Variants in ACACA observed in about 807,000 individuals in gnomAD.
ACACA encodes the protein acetyl-CoA carboxylase 1.
A neutral mutation model predicts 296.1 loss-of-function variants in ACACA; 103 were observed. The ratio of observed to expected loss-of-function variants is 0.35; its 90% CI spans 0.30 to 0.41. ACACA has a LOEUF of 0.41. Among genes scored for constraint, ACACA ranks in the 10% least tolerant of loss-of-function variants. The pLI, the probability that ACACA is intolerant of heterozygous loss-of-function variation, is 1.00. For synonymous variants in ACACA, 953 were observed against 1,038.6 expected (o/e 0.92, Z 1.58); for missense variants, 1,554 against 2,989.7 (o/e 0.52, Z 11.20).
At chr17:37,369,653 A>G (rs1194894272) in intron 1 of ACACA, among the ~76,000 whole-genome samples, 1 of 151,950 alleles carries the variant, frequency 6.6e-6, no homozygotes, top group East Asian at 1.9e-4. Context: ...TCTAGAAAAA[A>G]AAAAATAGGC....
At chr17:37,229,388 C>T (rs947273816) in intron 25 of ACACA, among the ~76,000 whole-genome samples, 14 of 151,898 alleles carry the variant, frequency 9.2e-5, no homozygotes, top group African/African-American at 2.9e-4. Context: ...ACTGCAAGCT[C>T]CGCCTCCGGG....
chr17:37,177,386 C>T (rs1471615290), intron 41 of ACACA, among the ~76,000 whole-genome samples: 1 of 151,920 alleles, frequency 6.6e-6, no homozygotes, highest in Admixed American at 6.6e-5. Flanking sequence ...GCCCAGGCAG[C>T]TCTGTGCTTG....
At chr17:37,109,833 A>T (rs1365898039) in intron 52 of ACACA, among the ~76,000 whole-genome samples, 1 of 152,194 alleles carries the variant, frequency 6.6e-6, no homozygotes, top group Non-Finnish European at 1.5e-5. Flanking sequence ...AGTTACTCTG[A>T]AGGGATGATA....
intron 45 of ACACA, among the ~76,000 whole-genome samples, chr17:37,138,515 T>C (rs959595642): frequency 6.6e-6 from 1 of 152,242 alleles, no homozygotes; most frequent in Admixed American, 6.5e-5. Context: ...TTATTAAACT[T>C]GGAGCTATGC....
chr17:37,267,629 T>C (rs1282327082), intron 10 of ACACA, among the ~76,000 whole-genome samples: 4 of 150,630 alleles, frequency 2.7e-5, no homozygotes, highest in East Asian at 2.0e-4. Flanking sequence ...GGCATGACCA[T>C]AGCTCAAGGC....
rs1408146139 is a variant in ACACA at position 37,182,857 on chromosome 17, T to TA, written c.4777-1502_4777-1501insT. On this transcript the variant is annotated intron_variant, in intron 39 of 55. Transcript: ENST00000616317. ...TAGCCCCTTAGCTCAGAGGAATGAA[T>TA]GTTCTGCTAATTTGTCAATCAGGTC... 6.6e-5 allele frequency among the ~76,000 whole-genome samples: 10 copies of TA among 152,298 alleles called. No homozygotes were observed. In the East Asian group the frequency reaches 1.5e-3, roughly 24 times the overall value.
At position 37,087,223 on chromosome 17, in the gene ACACA, T is replaced by G. The variant is rs1305627798; in HGVS notation, c.*93A>C. ...TGCCATTTGACTCCAGTGCTGGGTC[T>G]CCTGTGCCTTCTCATTACAGTGGTT... On this transcript the variant is annotated 3_prime_UTR_variant, in exon 56 of 56. Transcript: ENST00000616317. 4 of 1,561,892 alleles carry G rather than the reference T, an allele frequency of 2.6e-6. No homozygotes were observed. The highest frequency in any genetic ancestry group is 2.6e-6 in the Non-Finnish European group (3 of 1,135,634).
intron 23 of ACACA, among the ~76,000 whole-genome samples, chr17:37,241,530 C>A (rs1184502157): frequency 6.6e-6 from 1 of 151,978 alleles, no homozygotes; most frequent in Non-Finnish European, 1.5e-5. Flanking sequence ...CATGGCAAAA[C>A]CCCAGCTCTT....
chr17:37,198,018 G>A (rs965254271), intron 35 of ACACA, among the ~76,000 whole-genome samples: 5 of 152,110 alleles, frequency 3.3e-5, no homozygotes, highest in African/African-American at 9.7e-5. Flanking sequence ...TTTTCTAGCC[G>A]ATTTTGCCTA....
At chr17:37,317,660 G>A (rs1308257877) in intron 3 of ACACA, among the ~76,000 whole-genome samples, 2 of 152,082 alleles carry the variant, frequency 1.3e-5, no homozygotes, top group Non-Finnish European at 2.9e-5. Context: ...AACTTCATTT[G>A]TAAATTTATG....
chr17:37,246,868 A>G lies in ACACA; in HGVS notation c.2418T>C (p.Asp806=). 1 of 1,614,050 alleles carries G rather than the reference A, an allele frequency of 6.2e-7. No homozygotes were observed. The highest frequency in any genetic ancestry group is 1.7e-5 in the Admixed American group (1 of 60,004). The part of the protein sequence containing the change: ...AGKLIQYIVE[D]GGHVFAGQCY... ...ACTGGCCGGCAAACACATGACCTCC[A>G]TCTTCTACAATGTACTGGATTAACT... Residue 806 remains aspartate (D), a synonymous_variant, in exon 19 of 56, where the codon GAT becomes GAC. Transcript: ENST00000616317.
At chr17:37,182,293 C>T (rs2077355082) in intron 39 of ACACA, among the ~76,000 whole-genome samples, 1 of 151,822 alleles carries the variant, frequency 6.6e-6, no homozygotes, top group Admixed American at 6.6e-5. Flanking sequence ...TGAGACACAG[C>T]CTCATATTTT....
At chr17:37,121,332 C>T in intron 50 of ACACA, 23 bp downstream of exon 50, 1 of 1,613,978 alleles carries the variant, frequency 6.2e-7, no homozygotes, top group Non-Finnish European at 8.5e-7. Context: ...GATGCCCCTC[C>T]AGCCCACAGG....
intron 1 of ACACA, among the ~76,000 whole-genome samples, chr17:37,378,922 A>G (rs898598704): frequency 6.6e-6 from 1 of 152,114 alleles, no homozygotes; most frequent in Non-Finnish European, 1.5e-5. Flanking sequence ...TTAGCCGAGC[A>G]AAGTGGCATA....
chr17:37,391,516 TAACA>T lies in ACACA; in HGVS notation c.38+14742_38+14745del, dbSNP rs2050885033. On this transcript the variant is annotated intron_variant, in intron 1 of 55. Transcript: ENST00000616317. ...ATACTTTCTCAGTGTAATTATCGAT[TAACA>T]AAGAGGCAAAATGAAGTGCACTTGG... is the stretch of plus-strand genomic sequence containing the variant. 1.0e-5 allele frequency: 8 copies of T among 775,752 alleles called. No homozygotes were observed. The Admixed American group carries it at 1.7e-4, about 16-fold the overall frequency. 48.1% of individuals were successfully genotyped at this position (775,752 alleles called of 1,614,324 possible).
In ACACA at chr17:37,086,607, T is replaced by G. The variant is rs1475307871; in HGVS notation, c.*709A>C. 1 of 152,950 alleles carries G rather than the reference T, an allele frequency of 6.5e-6. No homozygotes were observed. Among genetic ancestry groups the G allele is most frequent in the Non-Finnish European group, 1.5e-5 (1 of 68,568 alleles). The allele number at this position is 152,950 out of a possible 1,614,324, so 9.5% of individuals were successfully genotyped here. A position where few individuals can be genotyped will look rare whatever the true frequency, so the allele number is the denominator to read the frequency against. On this transcript the variant is annotated 3_prime_UTR_variant, in exon 56 of 56. Transcript: ENST00000616317. ...GGCAGGCCAACAACTACCTTTCCCT[T>G]TGTCCTCAGAGACTGAACCCAAGGT...
chr17:37,343,686 C>T (rs547479510), intron 1 of ACACA, among the ~76,000 whole-genome samples: 4 of 151,452 alleles, frequency 2.6e-5, no homozygotes, highest in African/African-American at 9.7e-5. Context: ...ACTGCTTGAA[C>T]CTAGAAGGCA....
At chr17:37,316,520 T>C (rs1325896525) in intron 3 of ACACA, among the ~76,000 whole-genome samples, 1 of 152,116 alleles carries the variant, frequency 6.6e-6, no homozygotes, top group African/African-American at 2.4e-5. Context: ...ACATATCCTA[T>C]GGGTAACAAG....
At chr17:37,131,146 G>A (rs1229226903) in intron 45 of ACACA, among the ~76,000 whole-genome samples, 1 of 151,888 alleles carries the variant, frequency 6.6e-6, no homozygotes, top group African/African-American at 2.4e-5. Context: ...CAGGCTCCAG[G>A]GAGTTCAGGG....
Sources: allele counts gnomAD v4.1 joint callset (sites outside exome capture counted in the v4.1 genomes callset), GRCh38; gene constraint gnomAD v4.1.1; transcripts MANE v1.5; gene names NCBI Gene and HGNC (gene_info 2026-07-23, HGNC 2026-07-21).